Variants in ITGB5 observed in about 807,000 individuals in gnomAD.
The protein encoded by ITGB5 is integrin subunit beta 5.
A neutral mutation model predicts 84.8 loss-of-function variants in ITGB5; 38 were observed. The ratio of observed to expected loss-of-function variants is 0.45; its 90% CI spans 0.35 to 0.59. The LOEUF is 0.59. Ranked by LOEUF, ITGB5 falls within the 20% of genes least tolerant of loss-of-function variation. ITGB5 has a pLI of 0.01. For synonymous variants in ITGB5, 393 were observed against 414.4 expected (o/e 0.95, Z 0.63); for missense variants, 905 against 1,034.5 (o/e 0.87, Z 1.72).
chr3:124,774,281 G>T (rs2063890903), intron 10 of ITGB5, among the ~76,000 whole-genome samples: 1 of 152,160 alleles, frequency 6.6e-6, no homozygotes. Context: ...TACAGCAAAA[G>T]AGCTTTCACA....
At chr3:124,836,022 G>T (rs1488811367) in intron 5 of ITGB5, among the ~76,000 whole-genome samples, 2 of 152,146 alleles carry the variant, frequency 1.3e-5, no homozygotes, top group Non-Finnish European at 2.9e-5. Flanking sequence ...GGCACTGGCT[G>T]GCACAGATGG....
At chr3:124,777,736 T>C (rs1285600770) in intron 10 of ITGB5, among the ~76,000 whole-genome samples, 1 of 152,226 alleles carries the variant, frequency 6.6e-6, no homozygotes, top group East Asian at 1.9e-4. Context: ...CTGGGCCACC[T>C]TGGTTGAAAC....
intron 5 of ITGB5, among the ~76,000 whole-genome samples, chr3:124,835,026 C>T (rs2064913515): frequency 6.6e-6 from 1 of 152,188 alleles, no homozygotes; most frequent in Non-Finnish European, 1.5e-5. Context: ...GGGCCTCCTA[C>T]CCTTTCCCCA....
chr3:124,857,983 C>T (rs2065242138), intron 3 of ITGB5, among the ~76,000 whole-genome samples: 1 of 151,832 alleles, frequency 6.6e-6, no homozygotes, highest in Non-Finnish European at 1.5e-5. Flanking sequence ...AAAACACACA[C>T]ACAAAAAAAT....
At chr3:124,824,735 C>T (rs971606050) in intron 5 of ITGB5, among the ~76,000 whole-genome samples, 1 of 151,922 alleles carries the variant, frequency 6.6e-6, no homozygotes, top group Non-Finnish European at 1.5e-5. Flanking sequence ...AAGATTTGCA[C>T]AGACAATTCA....
chr3:124,865,489 T>C (rs1019647625), intron 2 of ITGB5, among the ~76,000 whole-genome samples: 2 of 139,190 alleles, frequency 1.4e-5, no homozygotes, highest in South Asian at 2.5e-4. Flanking sequence ...TTCTTTTTTT[T>C]TTTTTTTTTT....
At chr3:124,865,655 T>A (rs547096273) in intron 2 of ITGB5, among the ~76,000 whole-genome samples, 72 of 151,558 alleles carry the variant, frequency 4.8e-4, no homozygotes, top group African/African-American at 1.7e-3. Context: ...TCCCACTGAT[T>A]TTTTACTTTT....
intron 4 of ITGB5, among the ~76,000 whole-genome samples, chr3:124,847,867 A>G (rs1014594250): frequency 6.6e-5 from 10 of 152,198 alleles, no homozygotes; most frequent in Non-Finnish European, 1.5e-4. Context: ...TTTTAATCTA[A>G]TTATGTGAAA....
At chr3:124,900,507 G>T (rs757487544) in intron 1 of ITGB5, among the ~76,000 whole-genome samples, 1 of 152,170 alleles carries the variant, frequency 6.6e-6, no homozygotes, top group Non-Finnish European at 1.5e-5. Context: ...CAGGAAAAAT[G>T]TTACCAGGCC....
intron 1 of ITGB5, among the ~76,000 whole-genome samples, chr3:124,877,749 C>T (rs749062386): frequency 3.3e-5 from 5 of 152,142 alleles, no homozygotes; most frequent in Non-Finnish European, 5.9e-5. Flanking sequence ...GCTGGTGTGA[C>T]CTGCTGAGCT....
chr3:124,778,312 TGTA>T (rs2063953710), intron 10 of ITGB5, among the ~76,000 whole-genome samples: 1 of 152,232 alleles, frequency 6.6e-6, no homozygotes, highest in Non-Finnish European at 1.5e-5. Flanking sequence ...GATTTTCAGC[TGTA>T]TAGAATTCAA....
upstream of ITGB5, among the ~76,000 whole-genome samples, chr3:124,888,339 C>T (rs774002706): frequency 6.6e-6 from 1 of 152,170 alleles, no homozygotes; most frequent in Non-Finnish European, 1.5e-5. Context: ...GACTCAAAAA[C>T]ATATGCTCAG....
At chr3:124,841,250 C>T in intron 5 of ITGB5, 133 bp downstream of exon 5, 2 of 779,954 alleles carry the variant, frequency 2.6e-6, no homozygotes, top group Non-Finnish European at 4.1e-6. Flanking sequence ...CCACTGAGCT[C>T]ACCCTCTGAC....
At chr3:124,784,894 G>A (rs1360796111) in intron 10 of ITGB5, among the ~76,000 whole-genome samples, 1 of 152,250 alleles carries the variant, frequency 6.6e-6, no homozygotes, top group African/African-American at 2.4e-5. Context: ...CTGTCATGGT[G>A]TTGTGGTTGG....
intron 13 of ITGB5, among the ~76,000 whole-genome samples, chr3:124,765,170 T>C (rs1018558889): frequency 6.6e-6 from 1 of 152,184 alleles, no homozygotes; most frequent in Non-Finnish European, 1.5e-5. Context: ...GTGCTGTCGA[T>C]TGAAGAGAGC....
At chr3:124,841,341 T>C in intron 5 of ITGB5, 42 bp downstream of exon 5, 1 of 1,594,974 alleles carries the variant, frequency 6.3e-7, no homozygotes, top group Non-Finnish European at 8.6e-7. Flanking sequence ...GCTCTCTACC[T>C]TGACCTCCCC....
Position 124,796,829 on chromosome 3 carries a change from G to T in ITGB5, c.1264-12C>A, listed in dbSNP as rs202122062. Reference sequence around the variant, plus strand: ...ACTTCAAAAGATGCCTGGGCAGAAGGAAGAGAAGGGATATCATGGCTGCGG... The same window carrying T: ...ACTTCAAAAGATGCCTGGGCAGAAGTAAGAGAAGGGATATCATGGCTGCGG... On this transcript the variant is annotated splice_polypyrimidine_tract_variant and intron_variant, in intron 9 of 14. Coordinates refer to ENST00000296181, the MANE Select transcript of ITGB5 (RefSeq NM_002213.5). 7 of 1,581,616 alleles carry T rather than the reference G, an allele frequency of 4.4e-6. No individual in the cohort carries two copies. Among genetic ancestry groups the T allele is most frequent in the Non-Finnish European group, 6.0e-6 (7 of 1,160,908 alleles).
At chr3:124,883,439 A>T (rs899270116) in intron 1 of ITGB5, among the ~76,000 whole-genome samples, 1 of 152,158 alleles carries the variant, frequency 6.6e-6, no homozygotes, top group Non-Finnish European at 1.5e-5. Context: ...TAAAATGTAA[A>T]TCCATAGGAT....
At chr3:124,887,672 A>C (rs1344538732), upstream of ITGB5, 1 of 449,286 alleles carries the variant, frequency 2.2e-6, no homozygotes, top group Non-Finnish European at 4.5e-6. Context: ...GCCACGGGAA[A>C]GGGGCGGGGC....
Sources: allele counts gnomAD v4.1 joint callset (sites outside exome capture counted in the v4.1 genomes callset), GRCh38; gene constraint gnomAD v4.1.1; transcripts MANE v1.5; gene names NCBI Gene and HGNC (gene_info 2026-07-23, HGNC 2026-07-21).